ADAMTS6: variants seen among roughly 807,000 people sequenced by gnomAD.
ADAMTS6 encodes A disintegrin and metalloproteinase with thrombospondin motifs 6.
Under a neutral mutation model 144.3 loss-of-function variants are expected in ADAMTS6, and 23 were observed. The observed-to-expected ratio is 0.16, with a 90% CI of 0.11 to 0.23. The LOEUF is 0.23. ADAMTS6 is among the 10% of genes least tolerant of loss of function. ADAMTS6 has a pLI of 1.00. For synonymous variants in ADAMTS6, 444 were observed against 457.5 expected, an observed-to-expected ratio of 0.97 and a Z score of 0.38; for missense variants, 999 against 1,379.6, an observed-to-expected ratio of 0.72 and a Z score of 4.37.
chr5:65,281,479 T>C (rs1462180037), intron 11 of ADAMTS6, among the ~76,000 whole-genome samples: 1 of 152,154 alleles, frequency 6.6e-6, no homozygotes, highest in Non-Finnish European at 1.5e-5. Context: ...AACTTATGCA[T>C]TATTATTACT....
chr5:65,319,480 G>GA (rs1158632262), intron 9 of ADAMTS6, among the ~76,000 whole-genome samples: 7 of 144,764 alleles, frequency 4.8e-5, no homozygotes, highest in Non-Finnish European at 9.1e-5. Context: ...AGGAGTTGGA[G>GA]ACCAGCCTGG....
intron 3 of ADAMTS6, among the ~76,000 whole-genome samples, chr5:65,470,056 A>T (rs926356786): frequency 6.6e-6 from 1 of 152,162 alleles, no homozygotes; most frequent in African/African-American, 2.4e-5. Context: ...TAAACCCTGT[A>T]GTCTTGAACC....
chr5:65,282,004 G>T (rs1763024440), intron 11 of ADAMTS6, among the ~76,000 whole-genome samples: 2 of 152,132 alleles, frequency 1.3e-5, no homozygotes, highest in African/African-American at 4.8e-5. Flanking sequence ...TACACAAGGG[G>T]AGGAGGTGAC....
intron 7 of ADAMTS6, among the ~76,000 whole-genome samples, chr5:65,379,815 C>T (rs983390249): frequency 5.1e-4 from 77 of 151,908 alleles, no homozygotes; most frequent in African/African-American, 1.8e-3. Context: ...TGGGATCACA[C>T]GTATGCATGT....
intron 9 of ADAMTS6, among the ~76,000 whole-genome samples, chr5:65,316,137 C>T (rs1365778273): frequency 1.3e-5 from 2 of 152,072 alleles, no homozygotes; most frequent in Non-Finnish European, 2.9e-5. Context: ...GTTTCGAACT[C>T]CTGAGCTCAG....
At chr5:65,292,502 C>A (rs1436966535) in intron 10 of ADAMTS6, among the ~76,000 whole-genome samples, 1 of 150,924 alleles carries the variant, frequency 6.6e-6, no homozygotes, top group African/African-American at 2.4e-5. Flanking sequence ...TTATAGATAA[C>A]TAAGAAAGAA....
At chr5:65,217,194 T>C (rs551448530) in intron 18 of ADAMTS6, among the ~76,000 whole-genome samples, 2 of 152,340 alleles carry the variant, frequency 1.3e-5, no homozygotes, top group African/African-American at 4.8e-5. Context: ...TACCTGGCCT[T>C]GAACTTTTTG....
chr5:65,371,428 G>T (rs909925111), intron 7 of ADAMTS6, among the ~76,000 whole-genome samples: 53 of 151,942 alleles, frequency 3.5e-4, no homozygotes, highest in Non-Finnish European at 6.8e-4. Flanking sequence ...GTGCTTAAAG[G>T]AGCTGATGGA....
intron 22 of ADAMTS6, among the ~76,000 whole-genome samples, chr5:65,175,354 G>C (rs1309888473): frequency 2.0e-5 from 3 of 150,778 alleles, no homozygotes; most frequent in African/African-American, 7.3e-5. Flanking sequence ...GAAAGTCAAA[G>C]AGAGAAAGAA....
chr5:65,351,939 A>G (rs1156654660), intron 7 of ADAMTS6, among the ~76,000 whole-genome samples: 1 of 152,258 alleles, frequency 6.6e-6, no homozygotes, highest in Non-Finnish European at 1.5e-5. Context: ...GCCAGATAAT[A>G]TCTATCAAGT....
chr5:65,192,970 T>C (rs776193752), intron 21 of ADAMTS6, among the ~76,000 whole-genome samples: 57 of 152,012 alleles, frequency 3.7e-4, no homozygotes, highest in Non-Finnish European at 7.4e-4. Context: ...ACATTTGAAA[T>C]ATTTCATTAT....
rs555737820 is a variant in ADAMTS6 at position 65,172,894 on chromosome 5, G to A, written c.3025C>T (p.Arg1009Cys). Residue 1009 changes from arginine (R) to cysteine (C), a missense_variant, in exon 23 of 25, where the codon CGC becomes TGC. Arg to Cys is a radical substitution (Grantham distance 180). Coordinates refer to ENST00000381055, the MANE Select transcript of ADAMTS6 (RefSeq NM_197941.4). Reference protein sequence around the residue: ...QCPEESKPPVRIRCSLGRCPP... With the variant: ...QCPEESKPPVCIRCSLGRCPP... ...CAGCGGCCCAAACTGCAGCGGATGC[G>A]GACAGGAGGTTTGCTTTCCTCTGGA... 18 of 1,614,058 alleles carry A rather than the reference G, an allele frequency of 1.1e-5. No individual in the cohort carries two copies. The highest frequency in any genetic ancestry group is 3.3e-5 in the South Asian group (3 of 91,086).
At chr5:65,274,919 G>A (rs1371701338) in intron 11 of ADAMTS6, among the ~76,000 whole-genome samples, 5 of 152,008 alleles carry the variant, frequency 3.3e-5, no homozygotes, top group Admixed American at 6.6e-5. Flanking sequence ...TCCTGACCTC[G>A]TGATCTGCCC....
chr5:65,416,980 C>G, intron 7 of ADAMTS6, among the ~76,000 whole-genome samples: 1 of 151,904 alleles, frequency 6.6e-6, no homozygotes, highest in East Asian at 1.9e-4. Flanking sequence ...AAATCCTCAA[C>G]AAAATACTAG....
At chr5:65,422,299 G>C (rs989641030) in intron 7 of ADAMTS6, among the ~76,000 whole-genome samples, 1 of 152,154 alleles carries the variant, frequency 6.6e-6, no homozygotes, top group African/African-American at 2.4e-5. Flanking sequence ...CACTATTAAC[G>C]AGTCAAGAAA....
chr5:65,162,779 C>T lies in ADAMTS6; in HGVS notation c.3244+7838G>A, dbSNP rs72758886. Among the ~76,000 whole-genome samples, 549 of 152,272 alleles carry T rather than the reference C, an allele frequency of 3.6e-3. 1 individual carries two copies. The highest frequency in any genetic ancestry group is 6.7e-3 in the Non-Finnish European group (458 of 68,026). On this transcript the variant is annotated intron_variant, in intron 24 of 24. Transcript: ENST00000381055. ...TATGATAGTTATATCCTCTCTCCTA[C>T]CTTAACCTTGTATCTTCCAATTCTG...
At chr5:65,463,093 A>T (rs1759746842) in intron 3 of ADAMTS6, among the ~76,000 whole-genome samples, 1 of 148,470 alleles carries the variant, frequency 6.7e-6, no homozygotes, top group African/African-American at 2.5e-5. Flanking sequence ...AAAAAAAAAA[A>T]GCTAATTGAT....
intron 7 of ADAMTS6, among the ~76,000 whole-genome samples, chr5:65,406,182 T>C (rs1474730449): frequency 6.6e-6 from 1 of 152,190 alleles, no homozygotes; most frequent in Non-Finnish European, 1.5e-5. Flanking sequence ...TCCAACACTA[T>C]GTTAAATAGG....
intron 7 of ADAMTS6, among the ~76,000 whole-genome samples, chr5:65,394,841 T>C (rs1386582485): frequency 6.6e-6 from 1 of 152,158 alleles, no homozygotes; most frequent in Non-Finnish European, 1.5e-5. Flanking sequence ...TTCTGTCTTA[T>C]CTACTCTAAT....
Sources: allele counts gnomAD v4.1 joint callset (sites outside exome capture counted in the v4.1 genomes callset), GRCh38; gene constraint gnomAD v4.1.1; transcripts MANE v1.5; gene names NCBI Gene and HGNC (gene_info 2026-07-23, HGNC 2026-07-21).